LONRF1: variants seen among roughly 807,000 people sequenced by gnomAD.
LONRF1 encodes the protein LON peptidase N-terminal domain and ring finger 1.
A neutral mutation model predicts 85.8 loss-of-function variants in LONRF1; 37 were observed. The observed-to-expected ratio is 0.43, with a 90% confidence interval of 0.33 to 0.57. The LOEUF (loss-of-function observed/expected upper bound fraction) is 0.57, where lower values mean the gene tolerates loss of function less well. Ranked by LOEUF, LONRF1 falls within the 20% of genes least tolerant of loss-of-function variation. The pLI, the probability that LONRF1 is intolerant of heterozygous loss-of-function variation, is 0.04. For synonymous variants in LONRF1, 517 were observed against 390.1 expected (o/e 1.33, Z -3.83); for missense variants, 1,036 against 978.0 (o/e 1.06, Z -0.79).
intron 10 of LONRF1, among the ~76,000 whole-genome samples, chr8:12,728,605 T>A (rs1008060310): frequency 2.0e-5 from 3 of 152,214 alleles, no homozygotes; most frequent in African/African-American, 7.2e-5. Flanking sequence ...TAAGTACCTA[T>A]CACGTGTATA....
chr8:12,724,612 C>A (rs930591900), intron 11 of LONRF1, among the ~76,000 whole-genome samples: 1 of 152,140 alleles, frequency 6.6e-6, no homozygotes, highest in African/African-American at 2.4e-5. Context: ...ACACTGCTAA[C>A]AGAAAGCAGT....
chr8:12,724,857 T>TA (rs1798226160), intron 11 of LONRF1, among the ~76,000 whole-genome samples: 1 of 152,186 alleles, frequency 6.6e-6, no homozygotes, highest in Non-Finnish European at 1.5e-5. Flanking sequence ...ATGTTGGTGT[T>TA]TCAAGTTCAG....
In LONRF1 at chr8:12,755,290, T is replaced by G; in HGVS notation, c.131A>C (p.Glu44Ala). The change falls in exon 1 of 12, where the codon GAG becomes GCG. Residue 44 changes from glutamate (E) to alanine (A), a missense_variant. Physicochemically the swap from Glu to Ala is moderately radical, Grantham distance 107 (BLOSUM62 -1). Around this residue, in one of 3 missense-constraint regions of LONRF1, gnomAD observed 742 missense variants for 614.4 expected, o/e 1.21. Coordinates refer to ENST00000398246, the MANE Select transcript of LONRF1 (RefSeq NM_152271.5). ...GAGCAGCAGCTCCCAGCGCTCCGAC[T>G]CCGCGGCCGCGCGCTCCAGCCGATG... ...SGHRLERAAA[E>A]SERWELLLRR... 2.4e-6 allele frequency: 3 copies of G among 1,244,308 alleles called. No homozygotes were observed. The highest frequency in any genetic ancestry group is 3.0e-6 in the Non-Finnish European group (3 of 992,430). 77.1% of individuals were successfully genotyped at this position (1,244,308 alleles called of 1,614,324 possible).
rs960854477 is a variant in LONRF1, at chr8:12,755,046, G to C, written c.375C>G (p.Gly125=). 1 of 1,487,960 alleles carries C rather than the reference G, an allele frequency of 6.7e-7. No homozygotes were observed. Among genetic ancestry groups the C allele is most frequent in the Admixed American group, 2.2e-5 (1 of 45,362 alleles). The allele number at this position is 1,487,960 out of a possible 1,614,324, so 92.2% of individuals were successfully genotyped here. The stretch of plus-strand genomic sequence containing the variant: ...CCGGCTCGCTCAGGAAGCCCCGGCA[G>C]CCCAGGCATCTGAGGAGCCCGCCGG... The part of the protein sequence containing the change: ...GGAGGLLRCL[G]CRGFLSEPVT... The change falls in exon 1 of 12, where the codon GGC becomes GGG. Residue 125 remains glycine, a synonymous_variant. Coordinates refer to ENST00000398246, the MANE Select transcript of LONRF1 (RefSeq NM_152271.5).
chr8:12,735,436 T>G, intron 6 of LONRF1, 36 bp from the exon 7 acceptor site: 1 of 1,333,330 alleles, frequency 7.5e-7, no homozygotes, highest in Non-Finnish European at 1.1e-6. Flanking sequence ...GTTTTCACAT[T>G]AAACTATCCA....
intron 3 of LONRF1, 48 bp downstream of exon 3, chr8:12,740,826 C>G: frequency 1.3e-6 from 2 of 1,559,984 alleles, no homozygotes; most frequent in Non-Finnish European, 1.7e-6. Flanking sequence ...TTAAACCTGT[C>G]TGCCTCTTAG....
chr8:12,749,075 T>A (rs940076428), intron 1 of LONRF1, among the ~76,000 whole-genome samples: 7 of 152,230 alleles, frequency 4.6e-5, no homozygotes, highest in Admixed American at 4.6e-4. Context: ...GAGGATTGAA[T>A]AAGATAATGC....
At chr8:12,736,155 C>A (rs927608632) in intron 6 of LONRF1, among the ~76,000 whole-genome samples, 1 of 152,026 alleles carries the variant, frequency 6.6e-6, no homozygotes, top group African/African-American at 2.4e-5. Flanking sequence ...GGCCTCCTGA[C>A]CCCGTATGAA....
intron 1 of LONRF1, among the ~76,000 whole-genome samples, chr8:12,749,519 GAAATATTCCAAC>G (rs1164862402): frequency 1.3e-5 from 2 of 152,106 alleles, no homozygotes; most frequent in East Asian, 3.8e-4. Context: ...AAGGCTCTTA[GAAATATTCCAAC>G]AAACAGAAAA....
chr8:12,737,103 T>G lies in LONRF1; in HGVS notation c.1151A>C (p.Lys384Thr). The change falls in exon 5 of 12, where the codon AAA becomes ACA. Residue 384 changes from lysine (K) to threonine (T), a missense_variant. Coordinates refer to ENST00000398246, the MANE Select transcript of LONRF1 (RefSeq NM_152271.5). ...TGACTGAGCACGGTTTAAGCTTCCTTTGACAGGCTCTGAAGTGACCTCTGG... is the reference window on the plus strand; with the variant it reads ...TGACTGAGCACGGTTTAAGCTTCCTGTGACAGGCTCTGAAGTGACCTCTGG... ...EIPEVTSEPV[K>T]GSLNRAQSAQ... 1 of 1,613,524 alleles carries G rather than the reference T, an allele frequency of 6.2e-7. No homozygotes were observed. The highest frequency in any genetic ancestry group is 8.5e-7 in the Non-Finnish European group (1 of 1,179,638).
chr8:12,729,825 G>T (rs1488562918), intron 8 of LONRF1, among the ~76,000 whole-genome samples: 3 of 152,152 alleles, frequency 2.0e-5, no homozygotes, highest in Non-Finnish European at 4.4e-5. Flanking sequence ...ATATTTTGAT[G>T]AGATAACATT....
intron 10 of LONRF1, among the ~76,000 whole-genome samples, chr8:12,727,520 G>T (rs527668826): frequency 2.6e-5 from 4 of 151,970 alleles, no homozygotes; most frequent in Admixed American, 2.6e-4. Flanking sequence ...GACCAAAGAG[G>T]ACTCGTTTAT....
chr8:12,732,549 G>C (rs886339615), intron 7 of LONRF1, among the ~76,000 whole-genome samples: 1 of 152,106 alleles, frequency 6.6e-6, no homozygotes, highest in Non-Finnish European at 1.5e-5. Flanking sequence ...ATGCATTTTT[G>C]TGTTATTCTC....
At chr8:12,725,922 C>T (rs549866534) in intron 10 of LONRF1, 43 bp from the exon 11 acceptor site, 31 of 1,567,356 alleles carry the variant, frequency 2.0e-5, no homozygotes, top group East Asian at 2.3e-5. Flanking sequence ...TCTAATCCCC[C>T]GTCCATATGC....
intron 1 of LONRF1, among the ~76,000 whole-genome samples, chr8:12,748,233 C>A (rs1306363620): frequency 1.3e-5 from 2 of 152,164 alleles, no homozygotes; most frequent in African/African-American, 2.4e-5. Flanking sequence ...GATCTAAGAT[C>A]TCACTCTGTA....
At position 12,723,241 on chromosome 8, in the gene LONRF1, C is replaced by G; in HGVS notation, c.2177G>C (p.Gly726Ala). Reference protein sequence around the residue: ...REENLQAAPNGPAWCWWLLAV... With the variant: ...REENLQAAPNAPAWCWWLLAV... Reference sequence around the variant, plus strand: ...AAGAAGCCACCAACACCATGCAGGTCCATTAGGGGCTGCCTAAAAACAATG... The same window carrying G: ...AAGAAGCCACCAACACCATGCAGGTGCATTAGGGGCTGCCTAAAAACAATG... The change falls in exon 12 of 12, where the codon GGA becomes GCA. Residue 726 changes from glycine to alanine, a missense_variant. Transcript: ENST00000398246. The G allele has an allele frequency of 6.2e-7, 1 of 1,608,784 alleles. No homozygotes were observed. Among genetic ancestry groups the G allele is most frequent in the Non-Finnish European group, 8.5e-7 (1 of 1,178,592 alleles).
intron 4 of LONRF1, 68 bp from the exon 5 acceptor site, chr8:12,737,208 C>A: frequency 6.4e-7 from 1 of 1,559,584 alleles, no homozygotes; most frequent in South Asian, 1.1e-5. Context: ...CACCAAGAAT[C>A]AAACTGAAAT....
chr8:12,732,483 A>G (rs1488493300), intron 7 of LONRF1, among the ~76,000 whole-genome samples: 1 of 152,162 alleles, frequency 6.6e-6, no homozygotes, highest in African/African-American at 2.4e-5. Context: ...CCCCAGCTCT[A>G]TATAAAATCT....
At chr8:12,723,360 CA>C in intron 11 of LONRF1, 106 bp from the exon 12 acceptor site, 2 of 987,644 alleles carry the variant, frequency 2.0e-6, no homozygotes, top group Non-Finnish European at 3.0e-6. Context: ...TACTATGTGC[CA>C]GGTGCTATCT....
Sources: allele counts gnomAD v4.1 joint callset (sites outside exome capture counted in the v4.1 genomes callset), GRCh38; gene constraint gnomAD v4.1.1; regional missense constraint gnomAD v4.1.1; transcripts MANE v1.5; gene names NCBI Gene and HGNC (gene_info 2026-07-23, HGNC 2026-07-21).